Variants in CNTN4 observed in about 807,000 individuals in gnomAD.
CNTN4 encodes the protein contactin-4.
CNTN4 carries 77 observed loss-of-function variants against 122.5 expected under a neutral mutation model. That is an observed-to-expected ratio of 0.63 (90% CI 0.52 to 0.76). CNTN4 has a LOEUF of 0.76. Among genes scored for constraint, CNTN4 ranks in the 30% least tolerant of loss-of-function variants. CNTN4 has a pLI of 0.00. For missense variants in CNTN4, 1,256 were observed against 1,259.1 expected (o/e 1.00, Z 0.04); for synonymous variants, 512 against 447.0 (o/e 1.15, Z -1.83).
At position 2,170,047 on chromosome 3, in the gene CNTN4, C is replaced by A. The variant is rs182675708; in HGVS notation, c.-145+69408C>A. On this transcript the variant is annotated intron_variant, in intron 2 of 24. Transcript: ENST00000418658. Reference sequence around the variant, plus strand: ...AATCAAAAAAGTAAGGGAGGCCGGGCGCGGTGGCTCACGCCTGTAATCCCA... The same window carrying A: ...AATCAAAAAAGTAAGGGAGGCCGGGAGCGGTGGCTCACGCCTGTAATCCCA... Among the ~76,000 whole-genome samples, 53 of 152,196 alleles carry A rather than the reference C, an allele frequency of 3.5e-4. No individual in the cohort carries two copies. In the East Asian group the frequency reaches 5.7e-3, roughly 16 times the overall value.
chr3:2,456,133 G>A (rs116050213), intron 3 of CNTN4, among the ~76,000 whole-genome samples: 421 of 152,064 alleles, frequency 2.8e-3, no homozygotes, highest in African/African-American at 9.8e-3. Flanking sequence ...GGTAGAGCTG[G>A]GAACTGAGTT....
intron 4 of CNTN4, among the ~76,000 whole-genome samples, chr3:2,586,077 G>A (rs1054658924): frequency 1.3e-5 from 2 of 152,090 alleles, no homozygotes; most frequent in African/African-American, 4.8e-5. Context: ...GCCCTAATAT[G>A]GCTAATATTG....
intron 2 of CNTN4, among the ~76,000 whole-genome samples, chr3:2,203,176 C>G (rs1285337093): frequency 6.6e-6 from 1 of 151,986 alleles, no homozygotes; most frequent in Non-Finnish European, 1.5e-5. Context: ...ATGTGTATTT[C>G]TATACATGTG....
intron 4 of CNTN4, among the ~76,000 whole-genome samples, chr3:2,589,865 C>T (rs1416872551): frequency 6.6e-6 from 1 of 152,170 alleles, no homozygotes; most frequent in Non-Finnish European, 1.5e-5. Flanking sequence ...TGTGGCTTCC[C>T]TCAGCAGATG....
At chr3:2,902,748 T>A in intron 11 of CNTN4, 128 bp from the exon 12 acceptor site, 1 of 916,770 alleles carries the variant, frequency 1.1e-6, no homozygotes, top group Non-Finnish European at 1.7e-6. Context: ...TAGATCATGT[T>A]ATGTAAATTG....
At chr3:2,649,512 T>A (rs553292468) in intron 4 of CNTN4, among the ~76,000 whole-genome samples, 76 of 152,300 alleles carry the variant, frequency 5.0e-4, no homozygotes, top group African/African-American at 1.7e-3. Flanking sequence ...TACAACATGG[T>A]TTGCTGAATA....
chr3:2,317,008 C>T (rs1181348322), intron 2 of CNTN4, among the ~76,000 whole-genome samples: 1 of 152,182 alleles, frequency 6.6e-6, no homozygotes, highest in Non-Finnish European at 1.5e-5. Context: ...TTTCTACATA[C>T]ATGCACACTA....
At position 2,527,299 on chromosome 3, in the gene CNTN4, A is replaced by G. The variant is rs151283489; in HGVS notation, c.-88-44117A>G. ...TATGTGGATGTCCTCTGAAGTTTTA[A>G]TTGCTTACACTGTCTTCCTTTTTGC... On this transcript the variant is annotated intron_variant, in intron 3 of 24. Coordinates refer to ENST00000418658, the MANE Select transcript of CNTN4 (RefSeq NM_175607.3). 2.4e-3 allele frequency among the ~76,000 whole-genome samples: 373 copies of G among 152,274 alleles called. 1 individual carries two copies. The highest frequency in any genetic ancestry group is 8.6e-3 in the African/African-American group (359 of 41,558).
intron 7 of CNTN4, among the ~76,000 whole-genome samples, chr3:2,839,417 A>G (rs1232992536): frequency 6.6e-6 from 1 of 151,984 alleles, no homozygotes; most frequent in Non-Finnish European, 1.5e-5. Context: ...TTTTACCAAA[A>G]AAAAAAAAAG....
intron 3 of CNTN4, among the ~76,000 whole-genome samples, chr3:2,463,718 G>A (rs766549204): frequency 2.0e-5 from 3 of 151,818 alleles, no homozygotes; most frequent in African/African-American, 4.8e-5. Context: ...AAGATCGTGC[G>A]AATTCACTCC....
intron 2 of CNTN4, among the ~76,000 whole-genome samples, chr3:2,226,933 A>G (rs2039306882): frequency 6.6e-6 from 1 of 152,072 alleles, no homozygotes; most frequent in Non-Finnish European, 1.5e-5. Flanking sequence ...CATTATTTCC[A>G]TTTTATAAAT....
chr3:2,896,104 G>A (rs1393436530), intron 10 of CNTN4, among the ~76,000 whole-genome samples: 3 of 152,018 alleles, frequency 2.0e-5, no homozygotes, highest in Non-Finnish European at 2.9e-5. Flanking sequence ...AGGTCCAAAC[G>A]AATCTGAATT....
chr3:3,010,006 A>G (rs1236912144), intron 14 of CNTN4, among the ~76,000 whole-genome samples: 1 of 151,834 alleles, frequency 6.6e-6, no homozygotes, highest in African/African-American at 2.4e-5. Flanking sequence ...AGAACACAGA[A>G]CTCAACAGCA....
intron 3 of CNTN4, among the ~76,000 whole-genome samples, chr3:2,403,070 C>T (rs545529528): frequency 6.6e-6 from 1 of 152,224 alleles, no homozygotes; most frequent in African/African-American, 2.4e-5. Context: ...TGCCTTTCTT[C>T]TAGCTTTGGG....
chr3:2,972,967 G>A (rs1000757844), intron 13 of CNTN4, among the ~76,000 whole-genome samples: 16 of 151,844 alleles, frequency 1.1e-4, no homozygotes, highest in Admixed American at 5.9e-4. Flanking sequence ...TTGGAATTAG[G>A]AAAAGGCCCT....
chr3:2,680,324 C>T (rs150787054), intron 4 of CNTN4, among the ~76,000 whole-genome samples: 37 of 152,278 alleles, frequency 2.4e-4, no homozygotes, highest in African/African-American at 8.2e-4. Flanking sequence ...GGGGAAAGGG[C>T]ATGCTGGGAA....
chr3:2,547,230 ATATTTATTTATTTATTTATTTATTTATT>A (rs34165597), intron 3 of CNTN4, among the ~76,000 whole-genome samples: 1 of 144,244 alleles, frequency 6.9e-6, no homozygotes, highest in African/African-American at 2.6e-5. Flanking sequence ...GTTTTGTATG[ATATTTATTTATTTATTTATTTATTTATT>A]TATTTATTTA....
At chr3:2,117,974 A>C (rs1189895995) in intron 2 of CNTN4, among the ~76,000 whole-genome samples, 1 of 151,908 alleles carries the variant, frequency 6.6e-6, no homozygotes, top group Non-Finnish European at 1.5e-5. Flanking sequence ...TCTGATTATA[A>C]TAAAAACTTT....
At chr3:2,773,993 C>T (rs1272771362) in intron 6 of CNTN4, among the ~76,000 whole-genome samples, 2 of 152,122 alleles carry the variant, frequency 1.3e-5, no homozygotes, top group Admixed American at 1.3e-4. Flanking sequence ...CTTTGGACCT[C>T]AAGTGATCCA....
Sources: gnomAD v4.1 joint callset for allele counts (sites outside exome capture counted in the v4.1 genomes callset) on GRCh38, gnomAD v4.1.1 for gene constraint, MANE v1.5 for transcripts, NCBI Gene and HGNC (gene_info 2026-07-23, HGNC 2026-07-21) for gene names.